The following LDLRAD4 variants were observed in gnomAD, a reference collection of about 807,000 sequenced individuals.
The protein encoded by LDLRAD4 is low-density lipoprotein receptor class A domain-containing protein 4.
LDLRAD4 carries 5 observed loss-of-function variants against 17.0 expected under a neutral mutation model. The observed-to-expected ratio is 0.29, with a 90% CI of 0.15 to 0.62. The LOEUF (loss-of-function observed/expected upper bound fraction) is 0.62. LDLRAD4 is among the 20% of genes least tolerant of loss of function. LDLRAD4 has a pLI of 0.84. For synonymous variants in LDLRAD4, 168 were observed against 171.8 expected (o/e 0.98, Z 0.17); for missense variants, 340 against 424.7 (o/e 0.80, Z 1.75).
intron 3 of LDLRAD4, among the ~76,000 whole-genome samples, chr18:13,485,352 G>T (rs1242272376): frequency 6.6e-6 from 1 of 152,226 alleles, no homozygotes; most frequent in African/African-American, 2.4e-5. Context: ...CCTGAGTGAG[G>T]GGCTCGGCCT....
exon 2 of LDLRAD4, chr18:13,387,667 G>A (rs532733605): frequency 7.1e-6 from 11 of 1,553,296 alleles, no homozygotes; most frequent in African/African-American, 2.7e-5. Context: ...CTCGCCCGGC[G>A]GCTTCCTCGA....
rs184182267 is a variant in LDLRAD4, at chr18:13,505,464, G to T, written c.181+67080G>T. 3.3e-5 allele frequency among the ~76,000 whole-genome samples: 5 copies of T among 152,340 alleles called. No homozygotes were observed. In the East Asian group the frequency reaches 7.7e-4, roughly 23 times the overall value. ...AACTTTTCTACCATCAATTGTAAATGCATAGGGAAATGGCAAGTGATAGTA... is the reference window on the plus strand; with the variant it reads ...AACTTTTCTACCATCAATTGTAAATTCATAGGGAAATGGCAAGTGATAGTA... On this transcript the variant is annotated intron_variant, in intron 3 of 5. Coordinates refer to ENST00000359446, the Ensembl canonical transcript of LDLRAD4.
At chr18:13,571,529 C>G (rs1404421443) in intron 3 of LDLRAD4, among the ~76,000 whole-genome samples, 2 of 152,216 alleles carry the variant, frequency 1.3e-5, no homozygotes, top group Non-Finnish European at 2.9e-5. Context: ...AAAACATGTT[C>G]TTTAAGCTCA....
intron 2 of LDLRAD4, among the ~76,000 whole-genome samples, chr18:13,409,251 G>A (rs1258035309): frequency 6.6e-6 from 1 of 152,204 alleles, no homozygotes; most frequent in Non-Finnish European, 1.5e-5. Flanking sequence ...GTGAGTGAGT[G>A]ATTGAGGAGG....
At chr18:13,629,032 T>C (rs903518613) in intron 4 of LDLRAD4, among the ~76,000 whole-genome samples, 11 of 152,210 alleles carry the variant, frequency 7.2e-5, no homozygotes, top group Admixed American at 5.2e-4. Context: ...GATCTCACTG[T>C]GTTGCCCAGG....
intron 3 of LDLRAD4, among the ~76,000 whole-genome samples, chr18:13,479,017 G>A (rs2093018374): frequency 6.6e-6 from 1 of 152,194 alleles, no homozygotes; most frequent in Non-Finnish European, 1.5e-5. Flanking sequence ...TAATACGGTG[G>A]AGGCAAGATT....
intron 1 of LDLRAD4, among the ~76,000 whole-genome samples, chr18:13,280,403 C>T (rs113998784): frequency 0.033 from 5,095 of 152,300 alleles, 286 homozygotes; most frequent in African/African-American, 0.12. Context: ...CATGCACAGT[C>T]GTCACTCAAC....
chr18:13,527,649 A>G (rs1161787295), intron 3 of LDLRAD4, among the ~76,000 whole-genome samples: 1 of 152,198 alleles, frequency 6.6e-6, no homozygotes, highest in Non-Finnish European at 1.5e-5. Context: ...ATGCATGGCT[A>G]CTTGGAAGAG....
chr18:13,337,588 G>T (rs2082162953), intron 1 of LDLRAD4, among the ~76,000 whole-genome samples: 1 of 152,138 alleles, frequency 6.6e-6, no homozygotes, highest in Non-Finnish European at 1.5e-5. Flanking sequence ...AGAGCAGAAT[G>T]ATTTTCAACA....
chr18:13,522,524 A>C (rs2093968528), intron 3 of LDLRAD4: 1 of 151,974 alleles, frequency 6.6e-6, no homozygotes, highest in Non-Finnish European at 1.5e-5. Context: ...TTAAACTGCA[A>C]ATGTGATCTG....
chr18:13,408,719 C>T (rs1014852572), intron 2 of LDLRAD4, among the ~76,000 whole-genome samples: 7 of 151,998 alleles, frequency 4.6e-5, no homozygotes, highest in Admixed American at 1.3e-4. Flanking sequence ...GATCCACCCA[C>T]CTCAGCCTCC....
intron 1 of LDLRAD4, among the ~76,000 whole-genome samples, chr18:13,238,593 G>GGGTGGTGT (rs1183906381): frequency 6.6e-6 from 1 of 152,210 alleles, no homozygotes; most frequent in Admixed American, 6.5e-5. Context: ...CAGAACTGAG[G>GGGTGGTGT]GGTGGTGTGG....
chr18:13,627,540 C>G (rs1368338079), intron 4 of LDLRAD4, among the ~76,000 whole-genome samples: 5 of 152,214 alleles, frequency 3.3e-5, no homozygotes, highest in Admixed American at 2.6e-4. Flanking sequence ...GGCTGAAGAC[C>G]AAGATAGACT....
intron 3 of LDLRAD4, among the ~76,000 whole-genome samples, chr18:13,494,117 G>A (rs532251409): frequency 1.1e-4 from 17 of 152,242 alleles, no homozygotes; most frequent in Admixed American, 4.6e-4. Context: ...GGAGCAGGGC[G>A]GTGGTGATGG....
intron 4 of LDLRAD4, among the ~76,000 whole-genome samples, chr18:13,626,523 G>C (rs980475168): frequency 6.6e-6 from 1 of 152,174 alleles, no homozygotes; most frequent in African/African-American, 2.4e-5. Context: ...GAGGGACAGG[G>C]ACCTTTACCC....
intron 3 of LDLRAD4, among the ~76,000 whole-genome samples, chr18:13,566,971 C>A (rs547301032): frequency 2.0e-5 from 3 of 152,144 alleles, no homozygotes; most frequent in South Asian, 2.1e-4. Flanking sequence ...GATGGGGAAG[C>A]GAAGCCCAGC....
In LDLRAD4 at chr18:13,343,189, C is replaced by T. The variant is rs1053592376; in HGVS notation, c.-382-44152C>T. The stretch of plus-strand genomic sequence containing the variant: ...TGTTGGTGTGCTGCACTCATTAACT[C>T]GTTATTTAACATTAATATATCTCCT... On this transcript the variant is annotated intron_variant, in intron 1 of 5. Coordinates refer to ENST00000359446, the Ensembl canonical transcript of LDLRAD4. Among the ~76,000 whole-genome samples, 5 of 151,956 alleles carry T rather than the reference C, an allele frequency of 3.3e-5. No homozygotes were observed. In the East Asian group the frequency reaches 5.8e-4, roughly 18 times the overall value.
At chr18:13,438,435 G>A (rs771564175) in intron 3 of LDLRAD4, 51 bp downstream of exon 4, 381 of 1,510,972 alleles carry the variant, frequency 2.5e-4, no homozygotes, top group Non-Finnish European at 3.4e-4. Flanking sequence ...GTTCTGAAAC[G>A]GTTAGGAGGT....
chr18:13,408,852 T>C (rs2088044168), intron 2 of LDLRAD4, among the ~76,000 whole-genome samples: 1 of 152,198 alleles, frequency 6.6e-6, no homozygotes, highest in Non-Finnish European at 1.5e-5. Flanking sequence ...CTTTCTCGTC[T>C]TTTTCTTCCT....
Sources: gnomAD v4.1 joint callset for allele counts (sites outside exome capture counted in the v4.1 genomes callset) on GRCh38, gnomAD v4.1.1 for gene constraint, MANE v1.5 for transcripts, NCBI Gene and HGNC (gene_info 2026-07-23, HGNC 2026-07-21) for gene names.